MTERF4: variants seen among roughly 807,000 people sequenced by gnomAD.
MTERF4 encodes transcription termination factor 4, mitochondrial.
Under a neutral mutation model 22.5 loss-of-function variants are expected in MTERF4, and 17 were observed. That is an observed-to-expected ratio of 0.75 (90% CI 0.52 to 1.13). The LOEUF is 1.13. Among genes scored for constraint, MTERF4 ranks in the 50% most tolerant of loss-of-function variants. The pLI is 0.00. For missense variants in MTERF4, 420 were observed against 466.8 expected, an observed-to-expected ratio of 0.90 and a Z score of 0.92; for synonymous variants, 165 against 175.3, an observed-to-expected ratio of 0.94 and a Z score of 0.47.
At chr2:241,085,196 T>G (rs1467302619), downstream of MTERF4, among the ~76,000 whole-genome samples, 1 of 152,204 alleles carries the variant, frequency 6.6e-6, no homozygotes, top group Non-Finnish European at 1.5e-5. Context: ...CTTCATATAT[T>G]TTTCCTGTCC....
downstream of MTERF4, chr2:241,087,201 T>C: frequency 1.7e-6 from 1 of 580,052 alleles, no homozygotes; most frequent in Non-Finnish European, 3.1e-6. Context: ...CCACAATAAA[T>C]TTATTACAAA....
the MTERF4 span, among the ~76,000 whole-genome samples, chr2:241,060,686 T>C: frequency 6.6e-6 from 1 of 152,156 alleles, no homozygotes; most frequent in African/African-American, 2.4e-5. Context: ...CTCATGCCTA[T>C]AATCCCAGCA....
chr2:241,100,687 C>A (rs552394490), intron 1 of MTERF4, among the ~76,000 whole-genome samples: 1 of 151,692 alleles, frequency 6.6e-6, no homozygotes, highest in African/African-American at 2.4e-5. Flanking sequence ...ATAACGTTTT[C>A]TTTTCTCTAG....
Position 241,073,321 on chromosome 2 carries a change from C to T in MTERF4, n.2841G>A, listed in dbSNP as rs756524148. 1 of 1,574,292 alleles carries T rather than the reference C, an allele frequency of 6.4e-7. No homozygotes were observed. Among genetic ancestry groups the T allele is most frequent in the Non-Finnish European group, 8.6e-7 (1 of 1,161,140 alleles). On this transcript the variant is annotated non_coding_transcript_exon_variant, in exon 5 of 5. Coordinates refer to the MTERF4 transcript ENST00000464344. The surrounding 1 kb of genome is among the most constrained non-coding windows in gnomAD (Gnocchi z 6.6). ...TGGAGGAAGCCCCCAAGCGGGTCAGCCTGGCCCTCCAGCTCCCTGAACACG... is the reference window on the plus strand; with the variant it reads ...TGGAGGAAGCCCCCAAGCGGGTCAGTCTGGCCCTCCAGCTCCCTGAACACG...
the MTERF4 span, among the ~76,000 whole-genome samples, chr2:241,060,735 C>G: frequency 1.1e-4 from 17 of 151,934 alleles, no homozygotes; most frequent in African/African-American, 2.9e-4. Flanking sequence ...TTGAGCCCAG[C>G]CTGTGCAGCA....
At chr2:241,079,981 A>T (rs1329941045) in intron 4 of MTERF4, among the ~76,000 whole-genome samples, 1 of 152,188 alleles carries the variant, frequency 6.6e-6, no homozygotes, top group Admixed American at 6.5e-5. Context: ...AAATGAAAGA[A>T]GTTAAAAATC....
At chr2:241,046,049 G>A in the MTERF4 span, among the ~76,000 whole-genome samples, 2 of 152,040 alleles carry the variant, frequency 1.3e-5, no homozygotes, top group African/African-American at 4.8e-5. Context: ...GTGAATAAAC[G>A]GATGGAAAAA....
At chr2:241,053,197 C>G in the MTERF4 span, 1 of 1,611,020 alleles carries the variant, frequency 6.2e-7, no homozygotes, top group Non-Finnish European at 8.5e-7. Context: ...CGCCACACTG[C>G]GCTTCAACGG....
chr2:241,066,734 G>A, the MTERF4 span, among the ~76,000 whole-genome samples: 1 of 152,204 alleles, frequency 6.6e-6, no homozygotes, highest in Non-Finnish European at 1.5e-5. Context: ...GTAGCATGGC[G>A]GGTAGGTGGG....
chr2:241,065,537 G>T, the MTERF4 span: 1 of 1,612,910 alleles, frequency 6.2e-7, no homozygotes, highest in Non-Finnish European at 8.5e-7. Context: ...TCTCAGTGAA[G>T]CGAAACAGTA....
chr2:241,068,074 C>T (rs1345910820), downstream of MTERF4: 13 of 913,958 alleles, frequency 1.4e-5, no homozygotes, highest in African/African-American at 5.0e-5. This position sits in a 1 kb window ranked among gnomAD's most constrained non-coding sequence, Gnocchi z 5.3. Flanking sequence ...CTCACCTGAG[C>T]GGAGACAAAG....
downstream of MTERF4, chr2:241,072,013 G>A (rs769182647): frequency 9.0e-5 from 75 of 828,870 alleles, no homozygotes; most frequent in Admixed American, 6.8e-4. Context: ...CCCCCACCCC[G>A]ACTGTGCACA....
chr2:241,048,836 TC>T, the MTERF4 span: 1 of 1,364,038 alleles, frequency 7.3e-7, no homozygotes, highest in Admixed American at 2.0e-5. Flanking sequence ...AATGGTGGCT[TC>T]GGCCGGGGTC....
chr2:241,054,986 A>G, the MTERF4 span, among the ~76,000 whole-genome samples: 1 of 152,124 alleles, frequency 6.6e-6, no homozygotes. Flanking sequence ...GTGTGGTGGC[A>G]CATGCCTGTA....
At chr2:241,056,310 C>T in the MTERF4 span, among the ~76,000 whole-genome samples, 41 of 152,258 alleles carry the variant, frequency 2.7e-4, no homozygotes, top group Admixed American at 4.6e-4. Context: ...GAAACAGGAT[C>T]TCATGGTGTT....
chr2:241,099,350 C>T, intron 2 of MTERF4, 46 bp downstream of exon 2: 2 of 1,571,986 alleles, frequency 1.3e-6, no homozygotes, highest in South Asian at 1.2e-5. Context: ...TCTGGGATTA[C>T]AGGCATGAGC....
At position 241,099,477 on chromosome 2, in the gene MTERF4, T is replaced by A. The variant is rs2064602447; in HGVS notation, c.439A>T (p.Lys147Ter). The A allele has an allele frequency of 6.2e-7, 1 of 1,614,212 alleles. No homozygotes were observed. The highest frequency in any genetic ancestry group is 1.3e-5 in the African/African-American group (1 of 75,052). The change falls in exon 2 of 4, where the codon AAA becomes TAA. Residue 147 changes from lysine (K) to a stop codon, truncating the protein, a stop_gained. Transcript: ENST00000391980. LOFTEE classifies it high-confidence loss of function. ...NPEPVCVVLK[K>*]SPQLLKLPIM... ...GGCAGTTTCAATAACTGGGGACTTT[T>A]CTTCAAGACCACACACACAGGCTCT...
In MTERF4 at chr2:241,077,742, G is replaced by A. The variant is rs532821140; in HGVS notation, n.480-2060C>T. Among the ~76,000 whole-genome samples, 85 of 152,278 alleles carry A rather than the reference G, an allele frequency of 5.6e-4. No individual in the cohort carries two copies. The South Asian group carries it at 0.01, about 18-fold the overall frequency. On this transcript the variant is annotated intron_variant and non_coding_transcript_variant, in intron 4 of 4. Coordinates refer to the MTERF4 transcript ENST00000464344. ...TATGCAAATGGCCAGTAATCACACCGAAAAGATCCTTGACATCATTAGTCA... is the reference window on the plus strand; with the variant it reads ...TATGCAAATGGCCAGTAATCACACCAAAAAGATCCTTGACATCATTAGTCA...
rs2062986426 is a variant in MTERF4, at chr2:241,075,678, A to G, written n.484T>C. The G allele has an allele frequency of 6.6e-6, 1 of 152,124 alleles. No individual in the cohort carries two copies. The highest frequency in any genetic ancestry group is 2.4e-5 in the African/African-American group (1 of 41,406). The allele number at this position is 152,124 out of a possible 1,614,324, so 9.4% of individuals were successfully genotyped here. ...CTTGTCCTTCCCTGTTCTTGGTGGT[A>G]CTTCCTAATAGAGAAAAGTTCATAA... On this transcript the variant is annotated non_coding_transcript_exon_variant, in exon 5 of 5. Coordinates refer to the MTERF4 transcript ENST00000464344. This position sits in a 1 kb window ranked among gnomAD's most constrained non-coding sequence, Gnocchi z 4.8.
Sources: gnomAD v4.1 joint callset for allele counts (sites outside exome capture counted in the v4.1 genomes callset) on GRCh38, gnomAD v4.1.1 for gene constraint, Gnocchi (gnomAD v3.1) non-coding constraint, MANE v1.5 for transcripts, NCBI Gene and HGNC (gene_info 2026-07-23, HGNC 2026-07-21) for gene names.